The following SOX5 variants were observed in gnomAD, a reference collection of about 807,000 sequenced individuals.
SOX5 encodes SRY-box transcription factor 5.
In SOX5, 9 loss-of-function variants were observed where a neutral mutation model predicts 92.0. The ratio of observed to expected loss-of-function variants is 0.10; its 90% CI spans 0.06 to 0.17. SOX5 has a LOEUF of 0.17. Among genes scored for constraint, SOX5 ranks in the 10% least tolerant of loss-of-function variants. The pLI is 1.00. For synonymous variants in SOX5, 344 were observed against 336.3 expected (o/e 1.02, Z -0.25); for missense variants, 642 against 944.5 (o/e 0.68, Z 4.20).
intron 3 of SOX5, among the ~76,000 whole-genome samples, chr12:23,800,335 T>C (rs1040410218): frequency 6.6e-6 from 1 of 152,142 alleles, no homozygotes; most frequent in African/African-American, 2.4e-5. Flanking sequence ...GAAACCCTGA[T>C]AAGGTTTGCA....
At chr12:23,891,520 C>T (rs2097129357) in intron 2 of SOX5, among the ~76,000 whole-genome samples, 1 of 152,168 alleles carries the variant, frequency 6.6e-6, no homozygotes, top group Non-Finnish European at 1.5e-5. Context: ...TCAGGCAATA[C>T]AAAATATATA....
chr12:24,187,705 C>A (rs1001500445), intron 4 of SOX5, among the ~76,000 whole-genome samples: 7 of 152,132 alleles, frequency 4.6e-5, no homozygotes, highest in South Asian at 4.1e-4. Flanking sequence ...CTATCCTCTG[C>A]ATTACCACTT....
At chr12:23,626,671 CTTTT>C (rs370910356) in intron 8 of SOX5, among the ~76,000 whole-genome samples, 99 of 116,514 alleles carry the variant, frequency 8.5e-4, no homozygotes, top group Non-Finnish European at 1.4e-3. Context: ...TTCATTAGTG[CTTTT>C]TTTTTTTTTT....
At chr12:23,588,221 G>A (rs1385442862) in intron 9 of SOX5, among the ~76,000 whole-genome samples, 2 of 151,904 alleles carry the variant, frequency 1.3e-5, no homozygotes, top group Non-Finnish European at 2.9e-5. Flanking sequence ...TAAATTCAAG[G>A]TATGGGTGAA....
intron 3 of SOX5, among the ~76,000 whole-genome samples, chr12:24,254,927 A>G (rs1008601597): frequency 6.6e-6 from 1 of 152,004 alleles, no homozygotes; most frequent in African/African-American, 2.4e-5. Flanking sequence ...CTTTACTCCT[A>G]AAGAAGAGGT....
At chr12:24,320,822 G>A (rs1005766473) in intron 2 of SOX5, among the ~76,000 whole-genome samples, 14 of 150,514 alleles carry the variant, frequency 9.3e-5, no homozygotes, top group East Asian at 2.0e-4. Flanking sequence ...CTGAGATGGC[G>A]CCACTACACT....
At chr12:23,538,479 C>A (rs1381023719) in intron 13 of SOX5, among the ~76,000 whole-genome samples, 1 of 152,178 alleles carries the variant, frequency 6.6e-6, no homozygotes, top group Non-Finnish European at 1.5e-5. Flanking sequence ...CAAGCCATAT[C>A]ATTTGTAGGG....
At chr12:24,401,071 TGGCCAGGCACGGC>T (rs1353033756) in intron 1 of SOX5, among the ~76,000 whole-genome samples, 1 of 152,164 alleles carries the variant, frequency 6.6e-6, no homozygotes, top group Non-Finnish European at 1.5e-5. Flanking sequence ...TGCACTTTGT[TGGCCAGGCACGGC>T]GGCTCATGCT....
rs1592352927 is a variant in SOX5, at chr12:24,015,961, G to A, written c.-1-119937C>T. 3.3e-5 allele frequency among the ~76,000 whole-genome samples: 5 copies of A among 152,156 alleles called. No individual in the cohort carries two copies. The South Asian group carries it at 8.3e-4, about 25-fold the overall frequency. On this transcript the variant is annotated intron_variant, in intron 4 of 4. Transcript: ENST00000446891. ...ATCACAGTAAGACAGCACAGAGGGA[G>A]GAGCTCCTAGGAACTGAAAGAACCA...
At chr12:24,166,685 T>C (rs1388106503) in intron 4 of SOX5, among the ~76,000 whole-genome samples, 2 of 152,202 alleles carry the variant, frequency 1.3e-5, no homozygotes, top group East Asian at 1.9e-4. Context: ...CCATTTACTA[T>C]CACCCAAAAT....
intron 4 of SOX5, among the ~76,000 whole-genome samples, chr12:23,961,117 T>C (rs915547258): frequency 3.9e-5 from 6 of 152,154 alleles, no homozygotes; most frequent in African/African-American, 1.4e-4. Context: ...GCCTGAAAGT[T>C]ACATTTTTAT....
At chr12:24,391,059 C>T (rs905637932) in intron 1 of SOX5, among the ~76,000 whole-genome samples, 38 of 152,080 alleles carry the variant, frequency 2.5e-4, no homozygotes, top group African/African-American at 9.2e-4. Flanking sequence ...CAAGTGTTCT[C>T]TCTTCTTCCC....
chr12:24,339,947 G>A (rs1022142768), intron 2 of SOX5, among the ~76,000 whole-genome samples: 1 of 152,238 alleles, frequency 6.6e-6, no homozygotes, highest in Admixed American at 6.5e-5. Context: ...CCAATACCCA[G>A]CATCTGAATG....
At chr12:24,424,807 T>G (rs1231344404) in intron 1 of SOX5, among the ~76,000 whole-genome samples, 153 of 131,214 alleles carry the variant, frequency 1.2e-3, no homozygotes, top group Admixed American at 1.6e-3. Flanking sequence ...AGTTTTTTTT[T>G]TGGGGGGGGG....
intron 9 of SOX5, among the ~76,000 whole-genome samples, chr12:23,592,956 G>A (rs1311025887): frequency 6.6e-6 from 1 of 151,998 alleles, no homozygotes; most frequent in Non-Finnish European, 1.5e-5. Flanking sequence ...GCAGGCACCT[G>A]TAGTCCCAGC....
intron 3 of SOX5, among the ~76,000 whole-genome samples, chr12:23,759,899 C>T (rs4963561): frequency 0.92 from 140,662 of 152,134 alleles, 65,581 homozygotes; most frequent in Non-Finnish European, 0.99. Context: ...GTGGGGTGCC[C>T]AGTTATTTGC....
chr12:23,533,318 TC>T lies in SOX5; in HGVS notation c.*900del. On this transcript the variant is annotated 3_prime_UTR_variant, in exon 15 of 15. Coordinates refer to ENST00000451604, the MANE Select transcript of SOX5 (RefSeq NM_006940.6). ...AATTTCTTATGTCTCTCTCTCTCTC[TC>T]TCTTTTCACCTGAGAACAGCACCTA... is the stretch of plus-strand genomic sequence containing the variant. The T allele has an allele frequency of 2.8e-6, 1 of 358,474 alleles. No homozygotes were observed. The highest frequency in any genetic ancestry group is 2.8e-5 in the Admixed American group (1 of 35,612). The allele number at this position is 358,474 out of a possible 1,614,324, so 22.2% of individuals were successfully genotyped here.
chr12:24,280,335 G>A (rs1166133125), intron 2 of SOX5, among the ~76,000 whole-genome samples: 1 of 152,176 alleles, frequency 6.6e-6, no homozygotes, highest in Non-Finnish European at 1.5e-5. Flanking sequence ...AACACAGTCA[G>A]GGAGGAGCAC....
chr12:24,014,260 A>G (rs1455575765), intron 4 of SOX5, among the ~76,000 whole-genome samples: 1 of 152,182 alleles, frequency 6.6e-6, no homozygotes, highest in African/African-American at 2.4e-5. Context: ...CGCCTCCTTT[A>G]ACCGTATGTC....
Sources: gnomAD v4.1 joint callset for allele counts (sites outside exome capture counted in the v4.1 genomes callset) on GRCh38, gnomAD v4.1.1 for gene constraint, MANE v1.5 for transcripts, NCBI Gene and HGNC (gene_info 2026-07-23, HGNC 2026-07-21) for gene names.